Variants in LRRIQ3 observed in about 807,000 individuals in gnomAD.
LRRIQ3 encodes the protein leucine-rich repeat and IQ domain-containing protein 3.
Under a neutral mutation model 59.3 loss-of-function variants are expected in LRRIQ3, and 75 were observed. The observed-to-expected ratio is 1.26, with a 90% CI of 1.05 to 1.53. The LOEUF (loss-of-function observed/expected upper bound fraction) is 1.53, where lower values mean the gene tolerates loss of function less well. Ranked by LOEUF, LRRIQ3 falls within the 40% of genes most tolerant of loss-of-function variation. LRRIQ3 has a pLI of 0.00. For synonymous variants in LRRIQ3, 250 were observed against 231.3 expected, an observed-to-expected ratio of 1.08 and a Z score of -0.73; for missense variants, 831 against 710.0, an observed-to-expected ratio of 1.17 and a Z score of -1.94.
chr1:74,049,707 A>C (rs562717901), intron 6 of LRRIQ3, among the ~76,000 whole-genome samples: 2 of 152,148 alleles, frequency 1.3e-5, no homozygotes, highest in Non-Finnish European at 2.9e-5. Flanking sequence ...TACTTTTCAT[A>C]TTTAAACACA....
chr1:74,161,977 C>T (rs1028304568), intron 3 of LRRIQ3, among the ~76,000 whole-genome samples: 1 of 151,716 alleles, frequency 6.6e-6, no homozygotes, highest in Non-Finnish European at 1.5e-5. Flanking sequence ...AGTGACGGCT[C>T]TGAAGAAAAA....
chr1:74,131,388 A>G (rs908271766), intron 4 of LRRIQ3, among the ~76,000 whole-genome samples: 2 of 152,330 alleles, frequency 1.3e-5, no homozygotes, highest in South Asian at 4.1e-4. Flanking sequence ...GGCCAGCATC[A>G]TCCTGATACC....
rs377388331 is a variant in LRRIQ3 at position 74,141,296 on chromosome 1, A to G, written c.707+14437T>C. Among the ~76,000 whole-genome samples the G allele has an allele frequency of 1.3e-4, 20 of 151,930 alleles. No homozygotes were observed. The South Asian group carries it at 3.7e-3, about 28-fold the overall frequency. On this transcript the variant is annotated intron_variant, in intron 4 of 7. Transcript: ENST00000354431. ...TTAAAAAATATACTTCAGTTTCTTA[A>G]TAGTACATGATAGATTATCAATTCA... is the stretch of plus-strand genomic sequence containing the variant.
intron 5 of LRRIQ3, among the ~76,000 whole-genome samples, chr1:74,092,291 A>G (rs1226813560): frequency 6.6e-6 from 1 of 152,128 alleles, no homozygotes; most frequent in Admixed American, 6.6e-5. Flanking sequence ...CTGGAGTTTT[A>G]CCTGAGAGGT....
chr1:74,163,762 G>A (rs1648797843), intron 3 of LRRIQ3, among the ~76,000 whole-genome samples: 1 of 151,378 alleles, frequency 6.6e-6, no homozygotes, highest in Non-Finnish European at 1.5e-5. Flanking sequence ...TCATTTCTCT[G>A]GGATAAATTC....
intron 5 of LRRIQ3, among the ~76,000 whole-genome samples, chr1:74,078,171 C>T (rs1646230237): frequency 1.3e-5 from 2 of 151,772 alleles, no homozygotes; most frequent in Non-Finnish European, 3.0e-5. Context: ...TAAAATCTTT[C>T]ATTACTTTTA....
intron 4 of LRRIQ3, among the ~76,000 whole-genome samples, chr1:74,109,804 C>A (rs922782350): frequency 6.6e-6 from 1 of 151,706 alleles, no homozygotes; most frequent in Admixed American, 6.6e-5. Context: ...GTACTTACAT[C>A]TGGCTAAGCA....
intron 4 of LRRIQ3, among the ~76,000 whole-genome samples, chr1:74,114,729 C>A (rs1376205466): frequency 2.0e-5 from 3 of 147,018 alleles, no homozygotes; most frequent in African/African-American, 2.5e-5. Context: ...AGCGAGACTC[C>A]GTCTTAAAAA....
intron 3 of LRRIQ3, among the ~76,000 whole-genome samples, chr1:74,177,043 T>A (rs1304024735): frequency 2.0e-5 from 3 of 152,210 alleles, no homozygotes; most frequent in African/African-American, 7.2e-5. Context: ...TTATCAGTCT[T>A]GCTATGTTGA....
intron 4 of LRRIQ3, among the ~76,000 whole-genome samples, chr1:74,135,820 A>G (rs983356321): frequency 2.6e-5 from 4 of 151,896 alleles, no homozygotes; most frequent in African/African-American, 9.7e-5. Flanking sequence ...CTTCCTCTTG[A>G]AAAGTGTGAG....
intron 5 of LRRIQ3, among the ~76,000 whole-genome samples, chr1:74,105,238 G>GGTGT (rs34023288): frequency 6.7e-6 from 1 of 148,508 alleles, no homozygotes; most frequent in African/African-American, 2.5e-5. Context: ...ACATCTATGT[G>GGTGT]GTGTGTGTGT....
At chr1:74,180,888 C>A in intron 3 of LRRIQ3, 1 of 1,189,106 alleles carries the variant, frequency 8.4e-7, no homozygotes, top group Non-Finnish European at 1.2e-6. Context: ...CTACCCCTTT[C>A]AGTCTGTGTT....
intron 3 of LRRIQ3, among the ~76,000 whole-genome samples, chr1:74,166,605 C>T (rs1003617616): frequency 2.1e-4 from 32 of 151,696 alleles, no homozygotes; most frequent in African/African-American, 6.5e-4. Context: ...TCTTCTTTTT[C>T]TAGTTCTTGA....
intron 5 of LRRIQ3, among the ~76,000 whole-genome samples, chr1:74,103,812 A>G (rs1230709871): frequency 6.6e-6 from 1 of 151,122 alleles, no homozygotes; most frequent in African/African-American, 2.4e-5. Context: ...ATTTACCTGA[A>G]TTTAAAGTAG....
At position 74,182,740 on chromosome 1, in the gene LRRIQ3, A is replaced by C. The variant is rs1175504924; in HGVS notation, c.371T>G (p.Leu124Arg). The change falls in exon 3 of 8, where the codon CTC becomes CGC. Residue 124 changes from leucine to arginine, a missense_variant. Transcript: ENST00000354431. Reference sequence around the variant, plus strand: ...ACAATCAAACATAGTGAGGGCAATGAGGGTTGGACAGGCAGATAATACACA... The same window carrying C: ...ACAATCAAACATAGTGAGGGCAATGCGGGTTGGACAGGCAGATAATACACA... Reference protein sequence around the residue: ...NICVLSACPTLIALTMFDCPV... With the variant: ...NICVLSACPTRIALTMFDCPV... 6.2e-7 allele frequency: 1 copy of C among 1,612,520 alleles called. No individual in the cohort carries two copies. The highest frequency in any genetic ancestry group is 2.2e-5 in the East Asian group (1 of 44,764).
At chr1:74,127,666 T>A (rs914638428) in intron 4 of LRRIQ3, among the ~76,000 whole-genome samples, 1 of 151,970 alleles carries the variant, frequency 6.6e-6, no homozygotes, top group African/African-American at 2.4e-5. Context: ...CATCTTAGTA[T>A]GCTGTCTATG....
intron 5 of LRRIQ3, among the ~76,000 whole-genome samples, chr1:74,085,852 T>C (rs1329734467): frequency 2.0e-5 from 3 of 152,064 alleles, no homozygotes; most frequent in Non-Finnish European, 4.4e-5. Context: ...AATTGACTGA[T>C]TGATACATAG....
intron 4 of LRRIQ3, among the ~76,000 whole-genome samples, chr1:74,144,886 T>G (rs557415212): frequency 2.5e-4 from 38 of 151,882 alleles, no homozygotes; most frequent in African/African-American, 8.2e-4. Context: ...GCCTTAGAAA[T>G]TTTTGAGGAA....
chr1:74,137,558 G>A (rs971590974), intron 4 of LRRIQ3, among the ~76,000 whole-genome samples: 19 of 151,864 alleles, frequency 1.3e-4, no homozygotes, highest in African/African-American at 4.1e-4. Context: ...GTTGAGAACC[G>A]GAAATACCAT....
Sources: allele counts gnomAD v4.1 joint callset (sites outside exome capture counted in the v4.1 genomes callset), GRCh38; gene constraint gnomAD v4.1.1; transcripts MANE v1.5; gene names NCBI Gene and HGNC (gene_info 2026-07-23, HGNC 2026-07-21).